ARHGEF10: variants seen among roughly 807,000 people sequenced by gnomAD.
The protein encoded by ARHGEF10 is Rho guanine nucleotide exchange factor 10, also known as Rho guanine nucleotide exchange factor (GEF) 10.
In ARHGEF10, 140 loss-of-function variants were observed where a neutral mutation model predicts 147.4. The ratio of observed to expected loss-of-function variants is 0.95; its 90% CI spans 0.83 to 1.09. The LOEUF is 1.09. Among genes scored for constraint, ARHGEF10 ranks in the 50% least tolerant of loss-of-function variants. The pLI is 0.00. For missense variants in ARHGEF10, 2,222 were observed against 1,752.7 expected (o/e 1.27, Z -4.78); for synonymous variants, 902 against 695.8 (o/e 1.30, Z -4.67).
At chr8:1,833,120 A>C in intron 1 of ARHGEF10, among the ~76,000 whole-genome samples, 1 of 131,528 alleles carries the variant, frequency 7.6e-6, no homozygotes. Flanking sequence ...AGAGGCAGAG[A>C]GAGACAGAGG....
At position 1,945,421 on chromosome 8, in the gene ARHGEF10, A is replaced by C. The variant is rs1563324293; in HGVS notation, c.3223-60A>C. On this transcript the variant is annotated intron_variant, in intron 26 of 28. Coordinates refer to ENST00000349830, the MANE Select transcript of ARHGEF10 (RefSeq NM_014629.4). ...CTCCAGCTGGACGCCACGTGGACCCAACAGGCCCCACTCAGACTCACTCCA... is the reference window on the plus strand; with the variant it reads ...CTCCAGCTGGACGCCACGTGGACCCCACAGGCCCCACTCAGACTCACTCCA... 1.9e-6 allele frequency: 3 copies of C among 1,546,554 alleles called. No individual in the cohort carries two copies. The East Asian group carries it at 7.3e-5, about 38-fold the overall frequency.
chr8:1,912,852 C>A (rs1811473734), intron 18 of ARHGEF10, among the ~76,000 whole-genome samples: 1 of 152,194 alleles, frequency 6.6e-6, no homozygotes. Flanking sequence ...TTGCCAGCCT[C>A]CCCGATTGGG....
chr8:1,893,809 A>G (rs1434744980), intron 12 of ARHGEF10, among the ~76,000 whole-genome samples, 163 bp downstream of exon 12: 1 of 152,242 alleles, frequency 6.6e-6, no homozygotes, highest in African/African-American at 2.4e-5. Flanking sequence ...TATTGACATC[A>G]AAAGTCATGA....
intron 26 of ARHGEF10, among the ~76,000 whole-genome samples, chr8:1,940,889 T>C (rs1814035680): frequency 6.6e-6 from 1 of 152,222 alleles, no homozygotes; most frequent in African/African-American, 2.4e-5. Context: ...ATCATCTCAA[T>C]TGATGCACAA....
In ARHGEF10 at chr8:1,889,450, G is replaced by A. The variant is rs1413364252; in HGVS notation, c.1182+3743G>A. Among the ~76,000 whole-genome samples the A allele has an allele frequency of 1.8e-4, 12 of 65,012 alleles. 1 individual carries two copies. The highest frequency in any genetic ancestry group is 4.5e-4 in the African/African-American group (5 of 11,208). The allele number at this position is 65,012 out of a possible 152,430, so 42.7% of individuals were successfully genotyped here. A position where few individuals can be genotyped will look rare whatever the true frequency, so the allele number is the denominator to read the frequency against. ...TGAGGGGTCTGTGAGGAGACACTGA[G>A]TGGGGTGAGGGGTCTGTGAGGAGAC... On this transcript the variant is annotated intron_variant, in intron 11 of 28. Transcript: ENST00000349830.
chr8:1,920,968 T>C (rs1261780868), intron 18 of ARHGEF10, among the ~76,000 whole-genome samples: 1 of 152,130 alleles, frequency 6.6e-6, no homozygotes, highest in Non-Finnish European at 1.5e-5. Flanking sequence ...GTATTTTTAG[T>C]AGAGACGGGG....
At chr8:1,943,139 C>T (rs1452822046) in intron 26 of ARHGEF10, among the ~76,000 whole-genome samples, 4 of 152,210 alleles carry the variant, frequency 2.6e-5, no homozygotes, top group Non-Finnish European at 5.9e-5. Flanking sequence ...GCAATGGCTG[C>T]GGGGAGCGGC....
chr8:1,882,607 C>T (rs895964557), intron 9 of ARHGEF10, 28 bp from the exon 10 acceptor site: 123 of 1,539,710 alleles, frequency 8.0e-5, no homozygotes, highest in Admixed American at 5.1e-4. Context: ...GCCGCCGTCC[C>T]GTTCTCACAT....
rs756284082 is a variant in ARHGEF10, at chr8:1,923,812, C to T, written c.2426C>T (p.Thr809Met). The change falls in exon 21 of 29, where the codon ACG (threonine) becomes ATG (methionine). Residue 809 changes from threonine (T) to methionine (M), a missense_variant. Coordinates refer to ENST00000349830, the MANE Select transcript of ARHGEF10 (RefSeq NM_014629.4). The part of the protein sequence containing the change: ...RPTFFTAVFN[T>M]FTPAIKESWV... ...ACGTTCTTTACAGCTGTGTTCAATA[C>T]GTTCACCCCTGCCATCAAGGAGTCC... is the stretch of plus-strand genomic sequence containing the variant. The T allele has an allele frequency of 2.0e-5, 32 of 1,614,018 alleles. No homozygotes were observed. Among genetic ancestry groups the T allele is most frequent in the South Asian group, 2.2e-5 (2 of 91,090 alleles).
chr8:1,838,073 A>G (rs1207777104), intron 1 of ARHGEF10, among the ~76,000 whole-genome samples: 1 of 152,206 alleles, frequency 6.6e-6, no homozygotes, highest in Middle Eastern at 3.4e-3. Context: ...CGTATGGTGG[A>G]TGCGTCTTTG....
rs1025703131 is a variant in ARHGEF10, at chr8:1,945,753, A to G, written c.3397+98A>G. ...AGCCCACCTTAGCGCTTCCCAGTGC[A>G]GGACACTGTTCACAACATGCTGCCA... is the stretch of plus-strand genomic sequence containing the variant. On this transcript the variant is annotated intron_variant, in intron 27 of 28. Coordinates refer to ENST00000349830, the MANE Select transcript of ARHGEF10 (RefSeq NM_014629.4). 53 of 1,511,938 alleles carry G rather than the reference A, an allele frequency of 3.5e-5. No homozygotes were observed. In the African/African-American group the frequency reaches 7.0e-4, roughly 20 times the overall value. The allele number at this position is 1,511,938 out of a possible 1,614,324, so 93.7% of individuals were successfully genotyped here. A position where few individuals can be genotyped will look rare whatever the true frequency, so the allele number is the denominator to read the frequency against.
intron 15 of ARHGEF10, among the ~76,000 whole-genome samples, chr8:1,899,214 C>G (rs1810263650): frequency 6.6e-6 from 1 of 152,214 alleles, no homozygotes; most frequent in Admixed American, 6.5e-5. Flanking sequence ...TCCGACCTTC[C>G]CACATAACCT....
chr8:1,855,488 C>T (rs926737106), intron 2 of ARHGEF10, among the ~76,000 whole-genome samples: 3 of 151,986 alleles, frequency 2.0e-5, no homozygotes, highest in African/African-American at 7.3e-5. Flanking sequence ...TTCAGGTGAT[C>T]CTCCCACCTC....
At chr8:1,839,974 G>C (rs1161062211) in intron 1 of ARHGEF10, among the ~76,000 whole-genome samples, 10 of 150,900 alleles carry the variant, frequency 6.6e-5, no homozygotes, top group Non-Finnish European at 1.5e-4. Flanking sequence ...GTCTGGTGTG[G>C]AAGCTGTCTG....
At position 1,936,236 on chromosome 8, in the gene ARHGEF10, C is replaced by T. The variant is rs115221671; in HGVS notation, c.3222+2294C>T. Among the ~76,000 whole-genome samples the T allele has an allele frequency of 8.2e-3, 1,249 of 152,214 alleles. 14 individuals carry two copies. Among genetic ancestry groups the T allele is most frequent in the African/African-American group, 0.028 (1,182 of 41,534 alleles). ...CTCATCATTAAAAATTCCTCTGGGC[C>T]GGGCACAGCGGCTCACACCTGTAAT... On this transcript the variant is annotated intron_variant, in intron 26 of 28. Transcript: ENST00000349830.
intron 18 of ARHGEF10, among the ~76,000 whole-genome samples, chr8:1,916,694 T>C (rs978841655): frequency 2.0e-5 from 3 of 152,214 alleles, no homozygotes; most frequent in Admixed American, 2.0e-4. Flanking sequence ...AGAAAACTAC[T>C]TGCTTATAGA....
chr8:1,842,807 T>C (rs1804196867), intron 1 of ARHGEF10, among the ~76,000 whole-genome samples: 1 of 152,052 alleles, frequency 6.6e-6, no homozygotes, highest in Non-Finnish European at 1.5e-5. Flanking sequence ...ACACGAAGTG[T>C]AGACAAGAAT....
chr8:1,942,349 C>T (rs190442923), intron 26 of ARHGEF10, among the ~76,000 whole-genome samples: 64 of 151,488 alleles, frequency 4.2e-4, no homozygotes, highest in African/African-American at 1.4e-3. Flanking sequence ...CATAGGCACA[C>T]GAGAAGATGG....
intron 9 of ARHGEF10, 45 bp downstream of exon 9, chr8:1,880,209 A>G: frequency 7.0e-7 from 1 of 1,438,666 alleles, no homozygotes; most frequent in Non-Finnish European, 9.8e-7. Context: ...CCAGCCGGGC[A>G]GTAAAGAAAA....
Sources: gnomAD v4.1 joint callset for allele counts (sites outside exome capture counted in the v4.1 genomes callset) on GRCh38, gnomAD v4.1.1 for gene constraint, MANE v1.5 for transcripts, NCBI Gene and HGNC (gene_info 2026-07-23, HGNC 2026-07-21) for gene names.